The following SLC35F3 variants were observed in gnomAD, a reference collection of about 807,000 sequenced individuals.
The protein encoded by SLC35F3 is putative thiamine transporter SLC35F3.
In SLC35F3, 25 loss-of-function variants were observed where a neutral mutation model predicts 49.9. The observed-to-expected ratio is 0.50, with a 90% CI of 0.37 to 0.70. The LOEUF is 0.70. Ranked by LOEUF, SLC35F3 falls within the 30% of genes least tolerant of loss-of-function variation. SLC35F3 has a pLI of 0.00. For synonymous variants in SLC35F3, 275 were observed against 265.4 expected (o/e 1.04, Z -0.35); for missense variants, 525 against 639.8 (o/e 0.82, Z 1.94).
intron 2 of SLC35F3, among the ~76,000 whole-genome samples, chr1:233,998,287 A>G (rs145284706): frequency 1.3e-5 from 2 of 152,190 alleles, no homozygotes; most frequent in East Asian, 1.9e-4. Flanking sequence ...TATGCATTGG[A>G]TATCAGGGAT....
At chr1:234,020,792 A>G (rs1276647988) in intron 2 of SLC35F3, among the ~76,000 whole-genome samples, 1 of 152,182 alleles carries the variant, frequency 6.6e-6, no homozygotes, top group Non-Finnish European at 1.5e-5. Context: ...GATCTCTAGC[A>G]GCCATTCCTC....
chr1:234,020,848 C>A (rs1663883537), intron 2 of SLC35F3, among the ~76,000 whole-genome samples: 1 of 152,172 alleles, frequency 6.6e-6, no homozygotes, highest in African/African-American at 2.4e-5. Context: ...CTTGTCCTTA[C>A]ACTGAACAAA....
At chr1:234,126,951 C>A (rs1665657750) in intron 2 of SLC35F3, among the ~76,000 whole-genome samples, 1 of 152,220 alleles carries the variant, frequency 6.6e-6, no homozygotes, top group Non-Finnish European at 1.5e-5. Context: ...CCTACCTCTG[C>A]CTCCCAAAGC....
intron 2 of SLC35F3, among the ~76,000 whole-genome samples, chr1:233,978,947 A>G (rs1385924154): frequency 6.6e-6 from 1 of 152,032 alleles, no homozygotes; most frequent in Non-Finnish European, 1.5e-5. Context: ...GAGGCAGGAG[A>G]ATCGCTTGAG....
At chr1:234,112,786 A>C (rs1010089960) in intron 2 of SLC35F3, among the ~76,000 whole-genome samples, 5 of 123,998 alleles carry the variant, frequency 4.0e-5, no homozygotes, top group African/African-American at 1.5e-4. Context: ...CCTGTTAGCC[A>C]GGAAGGTCTC....
intron 3 of SLC35F3, among the ~76,000 whole-genome samples, chr1:234,277,124 C>T (rs373498829): frequency 6.6e-6 from 1 of 152,250 alleles, no homozygotes; most frequent in East Asian, 1.9e-4. Flanking sequence ...CTAATGTCAT[C>T]CCAGCCCTTG....
At chr1:234,291,945 A>T (rs1668515007) in intron 3 of SLC35F3, among the ~76,000 whole-genome samples, 1 of 152,206 alleles carries the variant, frequency 6.6e-6, no homozygotes, top group South Asian at 2.1e-4. Flanking sequence ...GAGTAACGGG[A>T]TCAAGAGGTC....
chr1:234,310,681 A>G (rs1165262202), intron 4 of SLC35F3, among the ~76,000 whole-genome samples: 1 of 152,218 alleles, frequency 6.6e-6, no homozygotes, highest in Admixed American at 6.5e-5. Flanking sequence ...GTAAAGAGCC[A>G]GGAGAATTTA....
intron 2 of SLC35F3, among the ~76,000 whole-genome samples, chr1:233,938,998 G>A (rs1474885574): frequency 6.6e-6 from 1 of 152,132 alleles, no homozygotes; most frequent in Non-Finnish European, 1.5e-5. Context: ...ATCCATCATA[G>A]GGTTTGGAAC....
chr1:234,148,674 C>T (rs563923419), intron 2 of SLC35F3, among the ~76,000 whole-genome samples: 145 of 152,256 alleles, frequency 9.5e-4, no homozygotes, highest in African/African-American at 3.4e-3. Context: ...GGCTGCTTTA[C>T]AAAGTATAGA....
intron 2 of SLC35F3, among the ~76,000 whole-genome samples, chr1:234,141,222 G>A (rs778442733): frequency 1.8e-4 from 27 of 151,990 alleles, no homozygotes; most frequent in Non-Finnish European, 3.5e-4. Flanking sequence ...GTAAAACTTG[G>A]GATAATTAGG....
At chr1:234,093,493 C>T (rs894539393) in intron 2 of SLC35F3, among the ~76,000 whole-genome samples, 4 of 152,202 alleles carry the variant, frequency 2.6e-5, no homozygotes, top group African/African-American at 9.6e-5. Flanking sequence ...TACTATCAGT[C>T]CTTTCATGGA....
At chr1:234,199,720 GA>G (rs1666872694) in intron 2 of SLC35F3, among the ~76,000 whole-genome samples, 1 of 152,052 alleles carries the variant, frequency 6.6e-6, no homozygotes, top group African/African-American at 2.4e-5. Flanking sequence ...CAGATTGGAA[GA>G]AAATATTTGC....
chr1:233,926,571 G>A (rs1454278037), intron 2 of SLC35F3, among the ~76,000 whole-genome samples: 1 of 152,054 alleles, frequency 6.6e-6, no homozygotes, highest in Non-Finnish European at 1.5e-5. Context: ...TTTGTGATGG[G>A]TTCCTACATC....
intron 3 of SLC35F3, among the ~76,000 whole-genome samples, chr1:234,250,653 C>CAA (rs35486350): frequency 0.053 from 4,344 of 81,252 alleles, 168 homozygotes; most frequent in Non-Finnish European, 0.073. Flanking sequence ...GACTCCGTCT[C>CAA]AAAAAAAAAA....
At chr1:233,916,078 G>C (rs189992256) in intron 2 of SLC35F3, among the ~76,000 whole-genome samples, 88 of 152,300 alleles carry the variant, frequency 5.8e-4, no homozygotes, top group African/African-American at 2.0e-3. Flanking sequence ...TGAGTACTAA[G>C]GAAGAACTGA....
intron 3 of SLC35F3, among the ~76,000 whole-genome samples, chr1:234,277,147 A>C (rs1480232661): frequency 6.6e-6 from 1 of 152,190 alleles, no homozygotes; most frequent in Admixed American, 6.5e-5. Context: ...TCTTCACAAA[A>C]CCATCATCCA....
chr1:234,157,077 G>T (rs1666165326), intron 2 of SLC35F3, among the ~76,000 whole-genome samples: 2 of 152,094 alleles, frequency 1.3e-5, no homozygotes, highest in Non-Finnish European at 1.5e-5. Flanking sequence ...GCCAAAAACC[G>T]TTGAAGTGTG....
intron 3 of SLC35F3, among the ~76,000 whole-genome samples, chr1:234,232,031 C>T (rs1032663781): frequency 1.3e-5 from 2 of 152,158 alleles, no homozygotes; most frequent in Non-Finnish European, 2.9e-5. Context: ...CCCCAGAACG[C>T]TTAGAAATGG....
Sources: allele counts gnomAD v4.1 joint callset (sites outside exome capture counted in the v4.1 genomes callset), GRCh38; gene constraint gnomAD v4.1.1; transcripts MANE v1.5; gene names NCBI Gene and HGNC (gene_info 2026-07-23, HGNC 2026-07-21).